The following LRFN2 variants were observed in gnomAD, a reference collection of about 807,000 sequenced individuals.
The protein encoded by LRFN2 is leucine rich repeat and fibronectin type III domain containing 2.
LRFN2 carries 18 observed loss-of-function variants against 37.3 expected under a neutral mutation model. That is an observed-to-expected ratio of 0.48 (90% CI 0.33 to 0.72). The LOEUF (loss-of-function observed/expected upper bound fraction) is 0.72. LRFN2 is among the 30% of genes least tolerant of loss of function. The probability of loss-of-function intolerance (pLI) is 0.02; values close to 1 mark genes in which losing one functional copy is unlikely to be tolerated. For missense variants in LRFN2, 1,006 were observed against 1,060.7 expected (o/e 0.95, Z 0.72); for synonymous variants, 556 against 466.6 (o/e 1.19, Z -2.47).
chr6:40,452,516 T>C (rs1764134119), intron 1 of LRFN2, among the ~76,000 whole-genome samples: 1 of 152,172 alleles, frequency 6.6e-6, no homozygotes, highest in Non-Finnish European at 1.5e-5. Flanking sequence ...CATCCTGACA[T>C]GAAGGAAAGA....
intron 1 of LRFN2, among the ~76,000 whole-genome samples, chr6:40,502,967 G>C (rs1269595716): frequency 6.6e-6 from 1 of 152,254 alleles, no homozygotes; most frequent in East Asian, 1.9e-4. Flanking sequence ...CATGCCAGCA[G>C]TGAGAGGATA....
intron 1 of LRFN2, among the ~76,000 whole-genome samples, chr6:40,449,649 C>T (rs1764056026): frequency 6.6e-6 from 1 of 152,160 alleles, no homozygotes. Flanking sequence ...ATCATGGCAC[C>T]ACCATATAGC....
rs1561917863 is a variant in LRFN2, at chr6:40,587,170, G to A, written c.-248C>T. Reference sequence around the variant, plus strand: ...ATGGCATTTAGCAAGAAGAAGGGGGGAAAAGCACAACTTGTTCTCTTCTCT... The same window carrying A: ...ATGGCATTTAGCAAGAAGAAGGGGGAAAAAGCACAACTTGTTCTCTTCTCT... On this transcript the variant is annotated 5_prime_UTR_variant, in exon 1 of 3. Coordinates refer to ENST00000338305, the MANE Select transcript of LRFN2 (RefSeq NM_020737.3). The surrounding 1 kb of genome is among the most constrained non-coding windows in gnomAD (Gnocchi z 4.2). 6.6e-6 allele frequency: 1 copy of A among 152,320 alleles called. No homozygotes were observed. The highest frequency in any genetic ancestry group is 1.5e-5 in the Non-Finnish European group (1 of 68,042). 9.4% of individuals were successfully genotyped at this position (152,320 alleles called of 1,614,324 possible).
chr6:40,403,339 G>A (rs1398030657), intron 2 of LRFN2, among the ~76,000 whole-genome samples: 1 of 152,118 alleles, frequency 6.6e-6, no homozygotes, highest in Non-Finnish European at 1.5e-5. Context: ...CTGCTCTTTA[G>A]AGTGGGACGA....
At chr6:40,538,669 C>A (rs898602836) in intron 1 of LRFN2, among the ~76,000 whole-genome samples, 1 of 152,232 alleles carries the variant, frequency 6.6e-6, no homozygotes, top group African/African-American at 2.4e-5. Context: ...TATCCCCATT[C>A]CCAGCTTCTC....
chr6:40,449,087 A>G (rs1764041287), intron 1 of LRFN2, among the ~76,000 whole-genome samples: 1 of 152,194 alleles, frequency 6.6e-6, no homozygotes, highest in South Asian at 2.1e-4. Context: ...CCCTAGTAAG[A>G]ATCCCCAATT....
intron 1 of LRFN2, among the ~76,000 whole-genome samples, chr6:40,543,288 A>G (rs907198625): frequency 2.0e-5 from 3 of 152,018 alleles, no homozygotes; most frequent in African/African-American, 7.2e-5. Context: ...GCCACATAAA[A>G]CCTTTCTGGT....
intron 1 of LRFN2, among the ~76,000 whole-genome samples, chr6:40,551,202 G>T (rs529032303): frequency 2.0e-5 from 3 of 152,246 alleles, no homozygotes; most frequent in South Asian, 2.1e-4. Context: ...GCGCTTAGGG[G>T]CAGGGATTTA....
chr6:40,557,595 G>C (rs1766914088), intron 1 of LRFN2, among the ~76,000 whole-genome samples: 1 of 152,236 alleles, frequency 6.6e-6, no homozygotes, highest in Non-Finnish European at 1.5e-5. Context: ...GATGAGAGTG[G>C]GGTGTGCCCA....
chr6:40,469,269 A>C (rs1444734348), intron 1 of LRFN2, among the ~76,000 whole-genome samples: 7 of 152,114 alleles, frequency 4.6e-5, no homozygotes, highest in Admixed American at 4.6e-4. Flanking sequence ...AGGCAGTGTG[A>C]CTCCAGCACC....
At chr6:40,585,759 T>C (rs1258830326) in intron 1 of LRFN2, among the ~76,000 whole-genome samples, 1 of 150,912 alleles carries the variant, frequency 6.6e-6, no homozygotes, top group Non-Finnish European at 1.5e-5. Flanking sequence ...TCCTGAAGCT[T>C]CCCCCTCCCC....
intron 1 of LRFN2, among the ~76,000 whole-genome samples, chr6:40,433,684 A>G (rs1249425549): frequency 6.6e-6 from 1 of 152,192 alleles, no homozygotes; most frequent in Non-Finnish European, 1.5e-5. Context: ...ATTCCTTAAG[A>G]ATGAGGTTGT....
At chr6:40,442,869 C>T (rs545013551) in intron 1 of LRFN2, among the ~76,000 whole-genome samples, 28 of 152,270 alleles carry the variant, frequency 1.8e-4, no homozygotes, top group Non-Finnish European at 3.5e-4. Flanking sequence ...GGGCTGGCCA[C>T]GCTGCGTCTC....
At chr6:40,579,465 A>C (rs1767352349) in intron 1 of LRFN2, among the ~76,000 whole-genome samples, 2 of 152,150 alleles carry the variant, frequency 1.3e-5, no homozygotes, top group Admixed American at 1.3e-4. Context: ...AAGCAGCTTG[A>C]GAGCCTGTTT....
chr6:40,480,025 G>T (rs560785311), intron 1 of LRFN2, among the ~76,000 whole-genome samples: 1 of 152,130 alleles, frequency 6.6e-6, no homozygotes, highest in Admixed American at 6.5e-5. Flanking sequence ...GTCTTTATAC[G>T]AAATCCTCAT....
intron 1 of LRFN2, among the ~76,000 whole-genome samples, chr6:40,502,077 T>A (rs1050040049): frequency 3.9e-5 from 6 of 152,156 alleles, no homozygotes; most frequent in Non-Finnish European, 5.9e-5. Flanking sequence ...TAAAAATAAC[T>A]ACCTTTCCAC....
chr6:40,558,656 G>C (rs936799645), intron 1 of LRFN2, among the ~76,000 whole-genome samples: 7 of 152,222 alleles, frequency 4.6e-5, no homozygotes, highest in African/African-American at 1.7e-4. Flanking sequence ...ACTGACGTTA[G>C]AAACATGAAA....
chr6:40,517,527 G>A (rs1765918214), intron 1 of LRFN2: 1 of 152,224 alleles, frequency 6.6e-6, no homozygotes, highest in South Asian at 2.1e-4. Context: ...GACAAAGGCA[G>A]AGAAGTTCTT....
chr6:40,472,446 G>T (rs1764620236), intron 1 of LRFN2, among the ~76,000 whole-genome samples: 1 of 152,236 alleles, frequency 6.6e-6, no homozygotes, highest in Non-Finnish European at 1.5e-5. Context: ...GAAGAAGTGG[G>T]AGGATTTAGG....
Sources: allele counts gnomAD v4.1 joint callset (sites outside exome capture counted in the v4.1 genomes callset), GRCh38; gene constraint gnomAD v4.1.1; non-coding constraint Gnocchi (gnomAD v3.1); transcripts MANE v1.5; gene names NCBI Gene and HGNC (gene_info 2026-07-23, HGNC 2026-07-21).